SERPINB4: variants seen among roughly 807,000 people sequenced by gnomAD.
The protein encoded by SERPINB4 is serpin family B member 4.
In SERPINB4, 39 loss-of-function variants were observed where a neutral mutation model predicts 33.2. The observed-to-expected ratio is 1.18, with a 90% CI of 0.91 to 1.53. SERPINB4 has a LOEUF of 1.53. SERPINB4 is among the 40% of genes most tolerant of loss of function. SERPINB4 has a pLI of 0.00. For synonymous variants in SERPINB4, 191 were observed against 166.4 expected, an observed-to-expected ratio of 1.15 and a Z score of -1.14; for missense variants, 564 against 455.4, an observed-to-expected ratio of 1.24 and a Z score of -2.17.
Position 63,637,836 on chromosome 18 carries a change from G to A in SERPINB4, c.1056C>T (p.Val352=), listed in dbSNP as rs184695104. 85 of 1,613,426 alleles carry A rather than the reference G, an allele frequency of 5.3e-5. No individual in the cohort carries two copies. In the East Asian group the frequency reaches 6.0e-4, roughly 11 times the overall value. Residue 352 remains valine, a synonymous_variant, in exon 8 of 8, where the codon GTC becomes GTT. Transcript: ENST00000341074. ...CATTAGTTGAAGGAGATGATAATTC[G>A]ACTACTACTACAGCGGTGGCAGCTG... The part of the protein sequence containing the change: ...EAAAATAVVV[V]ELSSPSTNEE...
chr18:63,639,529 C>G, intron 6 of SERPINB4, 105 bp downstream of exon 6: 1 of 1,029,310 alleles, frequency 9.7e-7, no homozygotes, highest in South Asian at 1.8e-5. Flanking sequence ...AAATAACAGA[C>G]ATGAACAATT....
intron 1 of SERPINB4, 126 bp from the exon 2 acceptor site, chr18:63,643,729 T>C (rs1178782123): frequency 3.9e-6 from 4 of 1,014,244 alleles, no homozygotes; most frequent in Non-Finnish European, 5.8e-6. Flanking sequence ...TTTTCTCTTA[T>C]TTTTAACGCT....
intron 6 of SERPINB4, 130 bp downstream of exon 6, chr18:63,639,504 A>C (rs538076326): frequency 1.3e-4 from 128 of 1,012,744 alleles, no homozygotes; most frequent in Admixed American, 4.0e-4. Flanking sequence ...ATAAAGTTAT[A>C]AGAGTAAAAC....
chr18:63,639,870 T>C (rs1377337396), intron 5 of SERPINB4, 94 bp from the exon 6 acceptor site: 1 of 1,180,522 alleles, frequency 8.5e-7, no homozygotes, highest in African/African-American at 1.5e-5. Context: ...TCGTTAATTA[T>C]TGACCCAAAT....
In SERPINB4 at chr18:63,639,257, C is replaced by T; in HGVS notation, c.696G>A (p.Leu232=). The change falls in exon 7 of 8, where the codon CTG becomes CTA. Residue 232 remains leucine, a synonymous_variant. Coordinates refer to ENST00000341074, the MANE Select transcript of SERPINB4 (RefSeq NM_002974.4). ...ALLEDVQAKV[L]EIPYKGKDLS... ...GATCTTTGCCTTTGTATGGTATTTC[C>T]AGGACCTTGGCCTGTACATCCTCCA... 4 of 1,612,696 alleles carry T rather than the reference C, an allele frequency of 2.5e-6. No individual in the cohort carries two copies. Among genetic ancestry groups the T allele is most frequent in the Non-Finnish European group, 3.4e-6 (4 of 1,179,130 alleles).
rs1423906318 is a variant in SERPINB4, at chr18:63,637,416, C to G, written c.*303G>C. Reference sequence around the variant, plus strand: ...ATGATTTGGTTTGGTTCATTTAAAACAGGTCAGAAACAGAATTATATTTCA... The same window carrying G: ...ATGATTTGGTTTGGTTCATTTAAAAGAGGTCAGAAACAGAATTATATTTCA... On this transcript the variant is annotated 3_prime_UTR_variant, in exon 8 of 8. Coordinates refer to ENST00000341074, the MANE Select transcript of SERPINB4 (RefSeq NM_002974.4). 4.1e-6 allele frequency: 1 copy of G among 242,692 alleles called. No individual in the cohort carries two copies. Among genetic ancestry groups the G allele is most frequent in the African/African-American group, 2.2e-5 (1 of 44,584 alleles). The allele number at this position is 242,692 out of a possible 1,614,324, so 15.0% of individuals were successfully genotyped here. A position where few individuals can be genotyped will look rare whatever the true frequency, so the allele number is the denominator to read the frequency against.
chr18:63,640,264 T>A (rs1203235527), intron 5 of SERPINB4, among the ~76,000 whole-genome samples: 6 of 152,002 alleles, frequency 3.9e-5, no homozygotes, highest in Non-Finnish European at 8.8e-5. Context: ...CTTCCGGGGG[T>A]ATCTTCCTAT....
intron 4 of SERPINB4, among the ~76,000 whole-genome samples, chr18:63,641,457 G>A (rs919672586): frequency 2.4e-4 from 37 of 151,876 alleles, no homozygotes; most frequent in African/African-American, 8.7e-4. Flanking sequence ...AAGATGTATC[G>A]TATGTGACTG....
rs186338044 is a variant in SERPINB4, at chr18:63,639,590, A to G, written c.612+44T>C. ...TTCCATCAGAAATGTTTAACATTCCATGTATTAACATATTACACTATATAA... is the reference window on the plus strand; with the variant it reads ...TTCCATCAGAAATGTTTAACATTCCGTGTATTAACATATTACACTATATAA... On this transcript the variant is annotated intron_variant, in intron 6 of 7. Transcript: ENST00000341074. 178 of 1,275,388 alleles carry G rather than the reference A, an allele frequency of 1.4e-4. No homozygotes were observed. The African/African-American group carries it at 2.5e-3, about 18-fold the overall frequency. 79.0% of individuals were successfully genotyped at this position (1,275,388 alleles called of 1,614,324 possible).
rs145373357 is a variant in SERPINB4 at position 63,640,913 on chromosome 18, G to A, written c.430C>T (p.Arg144Ter). The A allele has an allele frequency of 2.2e-5, 36 of 1,612,742 alleles. No individual in the cohort carries two copies. Among genetic ancestry groups the A allele is most frequent in the Middle Eastern group, 1.7e-4 (1 of 6,038 alleles). ...TDFANAPEES[R>*]KKINSWVESQ... Reference sequence around the variant, plus strand: ...TCCACCCAGGAGTTAATCTTCTTTCGACTTTCTTCTGGAGCATTTGCAAAA... The same window carrying A: ...TCCACCCAGGAGTTAATCTTCTTTCAACTTTCTTCTGGAGCATTTGCAAAA... Residue 144 changes from arginine (R) to a stop codon, truncating the protein, a stop_gained, in exon 5 of 8, where the codon CGA becomes TGA. Coordinates refer to ENST00000341074, the MANE Select transcript of SERPINB4 (RefSeq NM_002974.4). LOFTEE classifies it high-confidence loss of function.
intron 1 of SERPINB4, 46 bp from the exon 2 acceptor site, chr18:63,643,649 A>G: frequency 1.3e-6 from 2 of 1,555,790 alleles, no homozygotes; most frequent in Non-Finnish European, 1.8e-6. Flanking sequence ...AATAAATGGA[A>G]TGGTATTTTG....
chr18:63,637,836 GACT>G lies in SERPINB4; in HGVS notation c.1053_1055del (p.Val352del). ...CATTAGTTGAAGGAGATGATAATTCGACTACTACTACAGCGGTGGCAGCTGCAG... is the reference window on the plus strand; with the variant it reads ...CATTAGTTGAAGGAGATGATAATTCGACTACTACAGCGGTGGCAGCTGCAG... On this transcript the variant is annotated inframe_deletion, in exon 8 of 8. Transcript: ENST00000341074. The G allele has an allele frequency of 6.2e-7, 1 of 1,613,426 alleles. No individual in the cohort carries two copies. The highest frequency in any genetic ancestry group is 8.5e-7 in the Non-Finnish European group (1 of 1,179,672).
At chr18:63,641,347 C>T (rs1913123734) in intron 4 of SERPINB4, among the ~76,000 whole-genome samples, 1 of 152,078 alleles carries the variant, frequency 6.6e-6, no homozygotes, top group African/African-American at 2.4e-5. Context: ...GTCTTTCATC[C>T]TGTGCATTCA....
Position 63,638,058 on chromosome 18 carries a change from T to C in SERPINB4, c.834A>G (p.Thr278=), listed in dbSNP as rs2144462516. The C allele has an allele frequency of 1.9e-6, 3 of 1,612,952 alleles. No individual in the cohort carries two copies. The highest frequency in any genetic ancestry group is 1.7e-6 in the Non-Finnish European group (2 of 1,179,376). ...ACCGAGGTAAGTGTAAATCGACACA[T>C]GTCTCTCTCATATTCTGCAAACTTG... ...EWTSLQNMRE[T]CVDLHLPRFK... Residue 278 remains threonine (T), a synonymous_variant, in exon 8 of 8, where the codon ACA becomes ACG. Coordinates refer to ENST00000341074, the MANE Select transcript of SERPINB4 (RefSeq NM_002974.4).
At chr18:63,639,514 C>A in intron 6 of SERPINB4, 120 bp downstream of exon 6, 1 of 1,022,656 alleles carries the variant, frequency 9.8e-7, no homozygotes, top group South Asian at 1.9e-5. Flanking sequence ...AAGAGTAAAA[C>A]AACAAAATAA....
intron 3 of SERPINB4, chr18:63,642,948 T>C: frequency 5.0e-6 from 3 of 597,600 alleles, no homozygotes; most frequent in Non-Finnish European, 5.9e-6. Context: ...TCCAGACCTA[T>C]GCTCTGAGGT....
chr18:63,639,376 G>A (rs1421847364), intron 6 of SERPINB4, 36 bp from the exon 7 acceptor site: 2 of 1,561,772 alleles, frequency 1.3e-6, no homozygotes, highest in East Asian at 2.3e-5. Flanking sequence ...AATAACACGT[G>A]AAACACAAGA....
chr18:63,638,690 G>T (rs1913021712), intron 7 of SERPINB4, among the ~76,000 whole-genome samples: 1 of 150,996 alleles, frequency 6.6e-6, no homozygotes, highest in South Asian at 2.1e-4. Flanking sequence ...GATATCCAAT[G>T]CATGTAACTC....
chr18:63,638,771 T>A (rs1031211083), intron 7 of SERPINB4, among the ~76,000 whole-genome samples: 1 of 130,186 alleles, frequency 7.7e-6, no homozygotes, highest in African/African-American at 3.0e-5. Flanking sequence ...ATGAGAACAC[T>A]TGGACACAGG....
Sources: allele counts gnomAD v4.1 joint callset (sites outside exome capture counted in the v4.1 genomes callset), GRCh38; gene constraint gnomAD v4.1.1; transcripts MANE v1.5; gene names NCBI Gene and HGNC (gene_info 2026-07-23, HGNC 2026-07-21).